The following GRIP1 variants were observed in gnomAD, a reference collection of about 807,000 sequenced individuals.
GRIP1 encodes the protein glutamate receptor interacting protein 1, also known as glutamate receptor-interacting protein 1.
Under a neutral mutation model 129.9 loss-of-function variants are expected in GRIP1, and 45 were observed. That is an observed-to-expected ratio of 0.35 (90% confidence interval 0.27 to 0.44). The LOEUF (loss-of-function observed/expected upper bound fraction) is 0.44. Ranked by LOEUF, GRIP1 falls within the 20% of genes least tolerant of loss-of-function variation. The pLI, the probability that GRIP1 is intolerant of heterozygous loss-of-function variation, is 1.00. For missense variants in GRIP1, 1,196 were observed against 1,396.8 expected (o/e 0.86, Z 2.29); for synonymous variants, 530 against 520.8 (o/e 1.02, Z -0.24).
intron 2 of GRIP1, among the ~76,000 whole-genome samples, chr12:66,572,663 T>C (rs139238024): frequency 1.3e-5 from 2 of 152,334 alleles, no homozygotes; most frequent in African/African-American, 4.8e-5. Flanking sequence ...TCAGGAGCTA[T>C]CTGGCTCAAC....
chr12:66,882,272 T>A (rs990221629), intron 1 of GRIP1, among the ~76,000 whole-genome samples: 2 of 149,468 alleles, frequency 1.3e-5, no homozygotes, highest in Non-Finnish European at 3.0e-5. Flanking sequence ...TCTGAGCCAA[T>A]GCAATGCTAG....
chr12:66,713,046 T>C (rs1363156406), intron 1 of GRIP1, among the ~76,000 whole-genome samples: 1 of 152,012 alleles, frequency 6.6e-6, no homozygotes. Context: ...ACTTCTCTTA[T>C]CCTTGTTATA....
chr12:66,723,304 CTTTTTT>C (rs57938064), intron 1 of GRIP1, among the ~76,000 whole-genome samples: 16,115 of 58,182 alleles, frequency 0.28, 2,624 homozygotes, highest in South Asian at 0.38. Flanking sequence ...TTCTTTCTTT[CTTTTTT>C]TTTTTTTTTT....
intron 1 of GRIP1, among the ~76,000 whole-genome samples, chr12:67,011,067 C>T (rs1338227336): frequency 2.0e-5 from 3 of 152,276 alleles, no homozygotes; most frequent in South Asian, 4.1e-4. Context: ...ATCTTTCCTC[C>T]AAGCTCCAGA....
At chr12:66,628,907 A>G (rs187573572) in intron 1 of GRIP1, among the ~76,000 whole-genome samples, 109 of 152,272 alleles carry the variant, frequency 7.2e-4, no homozygotes, top group Middle Eastern at 3.4e-3. Flanking sequence ...ACCCCACCAA[A>G]CTATGAATTC....
At chr12:67,050,550 G>C (rs999341468) in intron 1 of GRIP1, among the ~76,000 whole-genome samples, 5 of 152,126 alleles carry the variant, frequency 3.3e-5, no homozygotes, top group African/African-American at 1.2e-4. Context: ...ATTTTAATTA[G>C]AATAACACTA....
At chr12:66,708,998 C>T (rs751227975) in intron 1 of GRIP1, among the ~76,000 whole-genome samples, 1 of 150,978 alleles carries the variant, frequency 6.6e-6, no homozygotes, top group South Asian at 2.1e-4. Context: ...TTTTTACAAC[C>T]AGAGGAAATT....
intron 1 of GRIP1, among the ~76,000 whole-genome samples, chr12:66,979,375 G>A (rs2042210855): frequency 6.6e-6 from 1 of 151,326 alleles, no homozygotes. Flanking sequence ...AGTGAATGCA[G>A]GAGTGAAAAT....
chr12:66,966,902 C>T (rs1366251980), intron 1 of GRIP1, among the ~76,000 whole-genome samples: 1 of 152,156 alleles, frequency 6.6e-6, no homozygotes, highest in Non-Finnish European at 1.5e-5. Flanking sequence ...CTATGCATAA[C>T]CTACACTTTA....
chr12:66,388,067 T>G (rs994456264), intron 19 of GRIP1, among the ~76,000 whole-genome samples: 2 of 150,228 alleles, frequency 1.3e-5, no homozygotes, highest in African/African-American at 4.9e-5. Flanking sequence ...AAAAGTAAAA[T>G]TGTACGTAAA....
At chr12:66,520,457 G>A (rs141170332) in intron 5 of GRIP1, among the ~76,000 whole-genome samples, 7 of 152,158 alleles carry the variant, frequency 4.6e-5, no homozygotes, top group East Asian at 1.9e-4. Flanking sequence ...ATAAAAATGC[G>A]GTCCTCATAA....
At chr12:66,515,102 T>C (rs944872513) in intron 7 of GRIP1, among the ~76,000 whole-genome samples, 1 of 152,122 alleles carries the variant, frequency 6.6e-6, no homozygotes. Context: ...AAAACTGCAC[T>C]CAAGTTTTTA....
intron 1 of GRIP1, among the ~76,000 whole-genome samples, chr12:66,903,792 A>G (rs2040882933): frequency 6.6e-6 from 1 of 152,232 alleles, no homozygotes; most frequent in African/African-American, 2.4e-5. Context: ...AGATTTAGAG[A>G]TCAAGGATAA....
At chr12:67,006,195 T>A (rs192787351) in intron 1 of GRIP1, among the ~76,000 whole-genome samples, 1 of 151,936 alleles carries the variant, frequency 6.6e-6, no homozygotes, top group Admixed American at 6.6e-5. Flanking sequence ...AATACAAGCA[T>A]CAAAGGCAAG....
At chr12:66,853,192 A>G (rs1174736379) in intron 1 of GRIP1, among the ~76,000 whole-genome samples, 1 of 151,650 alleles carries the variant, frequency 6.6e-6, no homozygotes, top group African/African-American at 2.4e-5. Context: ...CAGGAAACGG[A>G]GATTTTAAAT....
chr12:66,949,588 C>CT (rs2041722886), intron 1 of GRIP1, among the ~76,000 whole-genome samples: 1 of 152,028 alleles, frequency 6.6e-6, no homozygotes, highest in Non-Finnish European at 1.5e-5. Context: ...AATGATTTGT[C>CT]TTATTAAACT....
At chr12:66,894,882 GA>G (rs898159067) in intron 1 of GRIP1, among the ~76,000 whole-genome samples, 4 of 152,160 alleles carry the variant, frequency 2.6e-5, no homozygotes, top group Admixed American at 1.3e-4. Flanking sequence ...TGTAGGACTA[GA>G]ACCCTAGCCA....
chr12:66,355,767 C>T (rs916328014), intron 23 of GRIP1, among the ~76,000 whole-genome samples: 5 of 152,106 alleles, frequency 3.3e-5, no homozygotes, highest in African/African-American at 4.8e-5. Context: ...CCTTTTTGCT[C>T]ATGGATATAT....
intron 1 of GRIP1, among the ~76,000 whole-genome samples, chr12:66,754,018 A>AT (rs1216230632): frequency 6.6e-6 from 1 of 152,178 alleles, no homozygotes; most frequent in African/African-American, 2.4e-5. Flanking sequence ...AACATGGTTC[A>AT]TTTTTTCCCT....
Sources: allele counts gnomAD v4.1 joint callset (sites outside exome capture counted in the v4.1 genomes callset), GRCh38; gene constraint gnomAD v4.1.1; transcripts MANE v1.5; gene names NCBI Gene and HGNC (gene_info 2026-07-23, HGNC 2026-07-21).